The following DAB1 variants were observed in gnomAD, a reference collection of about 807,000 sequenced individuals.
The protein encoded by DAB1 is DAB adaptor protein 1.
Under a neutral mutation model 64.6 loss-of-function variants are expected in DAB1, and 15 were observed. The observed-to-expected ratio is 0.23, with a 90% CI of 0.16 to 0.36. The LOEUF (loss-of-function observed/expected upper bound fraction) is 0.36. Among genes scored for constraint, DAB1 ranks in the 10% least tolerant of loss-of-function variants. The pLI is 1.00. For synonymous variants in DAB1, 235 were observed against 251.9 expected, an observed-to-expected ratio of 0.93 and a Z score of 0.64; for missense variants, 596 against 706.7, an observed-to-expected ratio of 0.84 and a Z score of 1.78.
chr1:57,907,499 A>G (rs1410039469), intron 5 of DAB1, among the ~76,000 whole-genome samples: 1 of 152,214 alleles, frequency 6.6e-6, no homozygotes, highest in African/African-American at 2.4e-5. Flanking sequence ...AATTCATACT[A>G]TGTAATAAGT....
Position 57,648,608 on chromosome 1 carries a change from C to G in DAB1, n.625+984G>C, listed in dbSNP as rs115589437. 1.2e-3 allele frequency among the ~76,000 whole-genome samples: 178 copies of G among 152,306 alleles called. 1 individual carries two copies. The highest frequency in any genetic ancestry group is 1.9e-3 in the Non-Finnish European group (131 of 68,034). ...CAAGTCTCAGATCCTCCAGCCTCCC[C>G]GCTCCTTCTCCAGTCCTGTTGTTCC... On this transcript the variant is annotated intron_variant and non_coding_transcript_variant, in intron 7 of 20. Transcript: ENST00000485760.
intron 4 of DAB1, among the ~76,000 whole-genome samples, chr1:58,327,045 T>C (rs905476924): frequency 2.0e-5 from 3 of 152,218 alleles, no homozygotes; most frequent in Non-Finnish European, 4.4e-5. Context: ...TCCCAGAACA[T>C]AAAATTTTCC....
intron 5 of DAB1, among the ~76,000 whole-genome samples, chr1:57,999,025 C>T (rs1321572269): frequency 6.6e-6 from 1 of 152,140 alleles, no homozygotes; most frequent in African/African-American, 2.4e-5. Context: ...GCCACTGAAC[C>T]TCTTCTTTAA....
At chr1:58,076,401 T>C (rs925923131) in intron 5 of DAB1, among the ~76,000 whole-genome samples, 1 of 152,178 alleles carries the variant, frequency 6.6e-6, no homozygotes, top group Admixed American at 6.5e-5. Context: ...TATATAATAA[T>C]TGGCAACTAT....
intron 7 of DAB1, among the ~76,000 whole-genome samples, chr1:57,494,166 A>C (rs1303162423): frequency 6.6e-6 from 1 of 152,136 alleles, no homozygotes; most frequent in Non-Finnish European, 1.5e-5. Flanking sequence ...TAAAATCCAT[A>C]ATGGGAAAGG....
chr1:57,772,718 A>G (rs547053036), intron 6 of DAB1, among the ~76,000 whole-genome samples: 1 of 152,170 alleles, frequency 6.6e-6, no homozygotes, highest in East Asian at 1.9e-4. Flanking sequence ...TTGCCATTCT[A>G]GTAGGCATTC....
chr1:57,061,921 A>C (rs140145941), intron 9 of DAB1, among the ~76,000 whole-genome samples: 5 of 152,202 alleles, frequency 3.3e-5, no homozygotes, highest in African/African-American at 1.2e-4. Flanking sequence ...ACTTTAAAGC[A>C]CCTTCTCTGT....
At chr1:58,150,027 T>G (rs1170149625) in intron 5 of DAB1, among the ~76,000 whole-genome samples, 1 of 152,210 alleles carries the variant, frequency 6.6e-6, no homozygotes, top group Non-Finnish European at 1.5e-5. Flanking sequence ...TACATTAGCT[T>G]CCATTCATTG....
chr1:58,460,104 G>A (rs1000559456), intron 3 of DAB1, among the ~76,000 whole-genome samples: 3 of 152,186 alleles, frequency 2.0e-5, no homozygotes, highest in Non-Finnish European at 4.4e-5. Context: ...CCATAAACAT[G>A]AACTGGGCTA....
At chr1:58,338,848 T>C (rs983590134) in intron 4 of DAB1, among the ~76,000 whole-genome samples, 1 of 152,236 alleles carries the variant, frequency 6.6e-6, no homozygotes, top group Non-Finnish European at 1.5e-5. Flanking sequence ...AAGTTCTGAT[T>C]CATACTGTAA....
chr1:58,386,412 G>A lies in DAB1; in HGVS notation n.258-43009C>T, dbSNP rs974505450. On this transcript the variant is annotated intron_variant and non_coding_transcript_variant, in intron 3 of 20. Coordinates refer to the DAB1 transcript ENST00000485760. ...ATGTATTTGAGTATATTAAATGTTT[G>A]TTCTCATATTTAATAAGCACTTAAG... Among the ~76,000 whole-genome samples the A allele has an allele frequency of 6.6e-5, 10 of 152,256 alleles. No homozygotes were observed. The East Asian group carries it at 1.9e-3, about 29-fold the overall frequency.
At chr1:58,091,942 A>ACG (rs1413542488) in intron 5 of DAB1, among the ~76,000 whole-genome samples, 4 of 149,896 alleles carry the variant, frequency 2.7e-5, no homozygotes, top group Non-Finnish European at 6.0e-5. Context: ...TTAAACACAC[A>ACG]CACACACACA....
In DAB1 at chr1:57,108,497, G is replaced by A. The variant is rs78190002; in HGVS notation, c.306+28046C>T. Among the ~76,000 whole-genome samples the A allele has an allele frequency of 7.2e-5, 11 of 152,262 alleles. No individual in the cohort carries two copies. The East Asian group carries it at 2.1e-3, about 29-fold the overall frequency. On this transcript the variant is annotated intron_variant, in intron 4 of 14. Transcript: ENST00000371236. ...TCTTCCTACTCATCCCCACAGTACT[G>A]TTCTCTACATTTCCCACCATTCATT...
intron 4 of DAB1, among the ~76,000 whole-genome samples, chr1:58,188,126 C>T (rs902986227): frequency 7.2e-5 from 11 of 151,986 alleles, no homozygotes; most frequent in African/African-American, 2.7e-4. Flanking sequence ...CCAGACTGGT[C>T]TCAAACTTCT....
chr1:58,251,273 A>G (rs1276489435), intron 4 of DAB1, among the ~76,000 whole-genome samples: 1 of 152,216 alleles, frequency 6.6e-6, no homozygotes, highest in Admixed American at 6.5e-5. Flanking sequence ...CTATGAGCCT[A>G]CCTCTACTTT....
At chr1:58,449,937 A>G (rs956068867) in intron 3 of DAB1, among the ~76,000 whole-genome samples, 2 of 152,232 alleles carry the variant, frequency 1.3e-5, no homozygotes, top group African/African-American at 4.8e-5. Flanking sequence ...TATGTGGTCA[A>G]ATCAGGGGTA....
At chr1:58,407,673 A>T (rs1036082994) in intron 3 of DAB1, among the ~76,000 whole-genome samples, 1 of 152,168 alleles carries the variant, frequency 6.6e-6, no homozygotes, top group African/African-American at 2.4e-5. Flanking sequence ...CTCCACGTCC[A>T]GGCAGCTTTG....
At position 58,300,642 on chromosome 1, in the gene DAB1, G is replaced by C. The variant is rs1233300379; in HGVS notation, n.309+42710C>G. On this transcript the variant is annotated intron_variant and non_coding_transcript_variant, in intron 4 of 20. Coordinates refer to the DAB1 transcript ENST00000485760. ...AGAGAGAGAGAGAGAGAGAGAGAGAGAGAGAGGAAGGAAGGAAGGAAGGAA... is the reference window on the plus strand; with the variant it reads ...AGAGAGAGAGAGAGAGAGAGAGAGACAGAGAGGAAGGAAGGAAGGAAGGAA... Among the ~76,000 whole-genome samples, 7 of 51,752 alleles carry C rather than the reference G, an allele frequency of 1.4e-4. No homozygotes were observed. In the Admixed American group the frequency reaches 1.4e-3, roughly 11 times the overall value. The allele number at this position is 51,752 out of a possible 152,430, so 34.0% of individuals were successfully genotyped here. A position where few individuals can be genotyped will look rare whatever the true frequency, so the allele number is the denominator to read the frequency against.
intron 4 of DAB1, among the ~76,000 whole-genome samples, chr1:58,339,637 T>C (rs1335683718): frequency 6.6e-6 from 1 of 152,186 alleles, no homozygotes; most frequent in Non-Finnish European, 1.5e-5. Flanking sequence ...ATATGGACGA[T>C]ATGATTGCTC....
Sources: gnomAD v4.1 joint callset for allele counts (sites outside exome capture counted in the v4.1 genomes callset) on GRCh38, gnomAD v4.1.1 for gene constraint, MANE v1.5 for transcripts, NCBI Gene and HGNC (gene_info 2026-07-23, HGNC 2026-07-21) for gene names.